The following KCNMA1 variants were observed in gnomAD, a reference collection of about 807,000 sequenced individuals.
KCNMA1 encodes the protein potassium calcium-activated channel subfamily M alpha 1.
Under a neutral mutation model 140.0 loss-of-function variants are expected in KCNMA1, and 29 were observed. That is an observed-to-expected ratio of 0.21 (90% confidence interval 0.15 to 0.28). The LOEUF is 0.28. KCNMA1 is among the 10% of genes least tolerant of loss of function. The pLI is 1.00. For synonymous variants in KCNMA1, 612 were observed against 611.9 expected, an observed-to-expected ratio of 1.00 and a Z score of 0.00; for missense variants, 880 against 1,602.2, an observed-to-expected ratio of 0.55 and a Z score of 7.70.
intron 25 of KCNMA1, chr10:76,902,358 C>G (rs1428354063): frequency 6.6e-6 from 1 of 152,188 alleles, no homozygotes; most frequent in African/African-American, 2.4e-5. Flanking sequence ...AAGCTTTTGT[C>G]CTGCCAGTCT....
intron 5 of KCNMA1, among the ~76,000 whole-genome samples, chr10:77,160,971 A>C (rs2098547691): frequency 6.6e-6 from 1 of 152,150 alleles, no homozygotes. Context: ...AGCTGACACC[A>C]TGCTCTTGAC....
chr10:77,073,015 T>C, intron 14 of KCNMA1, 82 bp downstream of exon 14: 2 of 1,362,206 alleles, frequency 1.5e-6, no homozygotes, highest in Non-Finnish European at 2.1e-6. Context: ...TCGATCTGTT[T>C]TGAGTTTAAG....
intron 2 of KCNMA1, among the ~76,000 whole-genome samples, chr10:77,296,406 C>A (rs2075118161): frequency 1.3e-5 from 2 of 152,136 alleles, no homozygotes; most frequent in Non-Finnish European, 2.9e-5. Flanking sequence ...GGGATTCTGA[C>A]CCCCCAAATC....
At chr10:77,569,482 G>A (rs1366794708) in intron 1 of KCNMA1, among the ~76,000 whole-genome samples, 1 of 147,220 alleles carries the variant, frequency 6.8e-6, no homozygotes, top group African/African-American at 2.5e-5. Flanking sequence ...ACAAGCAATG[G>A]GGAAACGATT....
At chr10:76,947,221 C>T (rs752297115) in intron 22 of KCNMA1, among the ~76,000 whole-genome samples, 1 of 152,060 alleles carries the variant, frequency 6.6e-6, no homozygotes, top group Non-Finnish European at 1.5e-5. Context: ...CCTGTAAACC[C>T]AGCTACTCAG....
chr10:77,521,589 T>C (rs2053420490), intron 1 of KCNMA1, among the ~76,000 whole-genome samples: 1 of 152,234 alleles, frequency 6.6e-6, no homozygotes. Flanking sequence ...GCTGTAAGGA[T>C]CGGACAAGTA....
chr10:77,372,557 T>A (rs1037604436), intron 2 of KCNMA1, among the ~76,000 whole-genome samples: 1 of 152,194 alleles, frequency 6.6e-6, no homozygotes, highest in Non-Finnish European at 1.5e-5. Context: ...CCTTTGCTCT[T>A]GCCTGCCACA....
intron 17 of KCNMA1, 145 bp from the exon 18 acceptor site, chr10:77,012,188 A>G (rs1755732130): frequency 5.9e-6 from 9 of 1,526,886 alleles, no homozygotes; most frequent in Non-Finnish European, 2.6e-6. Flanking sequence ...AGACATTTGC[A>G]GACGGAAATG....
intron 5 of KCNMA1, among the ~76,000 whole-genome samples, chr10:77,156,795 C>G (rs1042168826): frequency 1.3e-5 from 2 of 152,280 alleles, no homozygotes; most frequent in South Asian, 2.1e-4. Flanking sequence ...ACTGACCCCA[C>G]CTGGACCCAA....
chr10:77,596,194 T>C (rs892155865), intron 1 of KCNMA1, among the ~76,000 whole-genome samples: 1 of 152,206 alleles, frequency 6.6e-6, no homozygotes, highest in Non-Finnish European at 1.5e-5. Context: ...AGATCTCGAA[T>C]TGCCGAAGAA....
chr10:77,186,244 T>C lies in KCNMA1; in HGVS notation c.603-1328A>G, dbSNP rs530201854. Among the ~76,000 whole-genome samples the C allele has an allele frequency of 2.0e-5, 3 of 152,160 alleles. No homozygotes were observed. The East Asian group carries it at 5.8e-4, about 29-fold the overall frequency. On this transcript the variant is annotated intron_variant, in intron 3 of 27. Transcript: ENST00000286628. ...CTTCATCTCTGCTACAAGTCAAACATGCCCTATATCATCTCCCAAATCACG... is the reference window on the plus strand; with the variant it reads ...CTTCATCTCTGCTACAAGTCAAACACGCCCTATATCATCTCCCAAATCACG...
intron 1 of KCNMA1, among the ~76,000 whole-genome samples, chr10:77,542,956 T>C (rs1277843809): frequency 6.6e-6 from 1 of 152,182 alleles, no homozygotes; most frequent in Admixed American, 6.5e-5. Flanking sequence ...GGGAAACAGA[T>C]TGAGAACTAT....
intron 14 of KCNMA1, among the ~76,000 whole-genome samples, chr10:77,040,500 G>T (rs941504703): frequency 2.0e-5 from 3 of 152,144 alleles, no homozygotes; most frequent in Non-Finnish European, 4.4e-5. Context: ...CAGAAATTCT[G>T]TAAAAAGGCA....
At chr10:77,573,575 A>C (rs1459992583) in intron 1 of KCNMA1, among the ~76,000 whole-genome samples, 1 of 152,036 alleles carries the variant, frequency 6.6e-6, no homozygotes, top group Non-Finnish European at 1.5e-5. Context: ...CAGGAAATCT[A>C]TGTAACAGGT....
intron 23 of KCNMA1, among the ~76,000 whole-genome samples, chr10:76,923,057 C>T (rs2056450692): frequency 6.6e-6 from 1 of 152,124 alleles, no homozygotes; most frequent in Non-Finnish European, 1.5e-5. Flanking sequence ...TTGATTAGCA[C>T]CTTTGCAAGT....
chr10:77,608,183 T>C (rs539165506), intron 1 of KCNMA1, among the ~76,000 whole-genome samples: 1 of 151,978 alleles, frequency 6.6e-6, no homozygotes, highest in East Asian at 1.9e-4. Context: ...TCTCATTTCT[T>C]TTTTTTGGAG....
At chr10:77,026,971 C>G (rs1030603330) in intron 16 of KCNMA1, among the ~76,000 whole-genome samples, 7 of 152,154 alleles carry the variant, frequency 4.6e-5, no homozygotes, top group African/African-American at 1.7e-4. Flanking sequence ...TGGGCATCTG[C>G]AGGATCAAAA....
chr10:77,167,595 T>C (rs1248677899), intron 5 of KCNMA1, among the ~76,000 whole-genome samples: 1 of 152,146 alleles, frequency 6.6e-6, no homozygotes, highest in Non-Finnish European at 1.5e-5. Context: ...GCAATATTTA[T>C]GAAGTTTCTT....
intron 24 of KCNMA1, chr10:76,913,715 G>A (rs1240979616): frequency 1.2e-5 from 3 of 247,020 alleles, no homozygotes; most frequent in Admixed American, 5.0e-5. Context: ...TGGAAGAGGA[G>A]TAGAAGGGAG....
Sources: allele counts gnomAD v4.1 joint callset (sites outside exome capture counted in the v4.1 genomes callset), GRCh38; gene constraint gnomAD v4.1.1; transcripts MANE v1.5; gene names NCBI Gene and HGNC (gene_info 2026-07-23, HGNC 2026-07-21).